TTYH3: variants seen among roughly 807,000 people sequenced by gnomAD.
TTYH3 encodes tweety family member 3.
TTYH3 carries 23 observed loss-of-function variants against 68.2 expected under a neutral mutation model. The ratio of observed to expected loss-of-function variants is 0.34; its 90% CI spans 0.24 to 0.48. The LOEUF is 0.48. Ranked by LOEUF, TTYH3 falls within the 20% of genes least tolerant of loss-of-function variation. The pLI is 0.99. For synonymous variants in TTYH3, 360 were observed against 332.8 expected (o/e 1.08, Z -0.89); for missense variants, 768 against 727.7 (o/e 1.06, Z -0.64).
At chr7:2,642,772 G>C (rs1440867118) in intron 1 of TTYH3, among the ~76,000 whole-genome samples, 1 of 137,682 alleles carries the variant, frequency 7.3e-6, no homozygotes, top group Non-Finnish European at 1.5e-5. Flanking sequence ...TTTTTAAATC[G>C]TAGACTTGGG....
At chr7:2,661,539 GCACCCTGTACTGTC>G (rs1334659774) in intron 13 of TTYH3, 115 bp from the exon 14 acceptor site, 14 of 922,628 alleles carry the variant, frequency 1.5e-5, no homozygotes, top group Admixed American at 6.5e-5. Context: ...CTCTGTCAGG[GCACCCTGTACTGTC>G]CCATTCTGCC....
chr7:2,661,501 C>T (rs1046384402), intron 13 of TTYH3, among the ~76,000 whole-genome samples, 167 bp from the exon 14 acceptor site: 3 of 152,118 alleles, frequency 2.0e-5, no homozygotes, highest in African/African-American at 4.8e-5. Context: ...CCCCAGCCAG[C>T]GGCCCCTCCT....
intron 5 of TTYH3, 77 bp downstream of exon 5, chr7:2,648,131 A>C: frequency 2.2e-6 from 3 of 1,363,884 alleles, no homozygotes; most frequent in Non-Finnish European, 1.0e-6. Context: ...CCCTTCCCCC[A>C]CCTCATCTGC....
chr7:2,636,504 C>T (rs765572869), intron 1 of TTYH3, among the ~76,000 whole-genome samples: 3 of 152,142 alleles, frequency 2.0e-5, no homozygotes, highest in Non-Finnish European at 4.4e-5. Flanking sequence ...CCCACGGTGC[C>T]AGGCAGGATT....
At chr7:2,647,676 G>T in intron 4 of TTYH3, 38 bp downstream of exon 4, 1 of 1,531,924 alleles carries the variant, frequency 6.5e-7, no homozygotes. Context: ...CCCCACGTGG[G>T]AAAGCATCAC....
intron 1 of TTYH3, among the ~76,000 whole-genome samples, chr7:2,636,200 G>A (rs979177462): frequency 6.6e-6 from 1 of 152,218 alleles, no homozygotes; most frequent in African/African-American, 2.4e-5. Context: ...AGCCTGGGGG[G>A]CAGTTCCCTG....
In TTYH3 at chr7:2,656,143, C is replaced by A; in HGVS notation, c.1072C>A (p.Gln358Lys). 6 of 1,571,530 alleles carry A rather than the reference C, an allele frequency of 3.8e-6. No individual in the cohort carries two copies. The highest frequency in any genetic ancestry group is 5.2e-6 in the Non-Finnish European group (6 of 1,158,798). ...GCTGAATGGCACGGAGGTGAACCTG[C>A]AGCACCTCACCGCCCTGGTGGACTG... is the stretch of plus-strand genomic sequence containing the variant. ...EVLNGTEVNLQHLTALVDCRS... is the reference protein window; with the variant it reads ...EVLNGTEVNLKHLTALVDCRS... The change falls in exon 10 of 14, where the codon CAG becomes AAG. Residue 358 changes from glutamine (Q) to lysine (K), a missense_variant. Gln to Lys is a moderately conservative substitution (Grantham distance 53). Coordinates refer to ENST00000258796, the MANE Select transcript of TTYH3 (RefSeq NM_025250.3).
chr7:2,650,657 T>C (rs1786149145), intron 7 of TTYH3, among the ~76,000 whole-genome samples: 1 of 150,062 alleles, frequency 6.7e-6, no homozygotes, highest in African/African-American at 2.5e-5. Flanking sequence ...GAGGGGAGAA[T>C]GGAGGGTGGG....
chr7:2,662,138 A>C lies in TTYH3; in HGVS notation c.*399A>C, dbSNP rs1786515134. On this transcript the variant is annotated 3_prime_UTR_variant, in exon 14 of 14. Transcript: ENST00000258796. ...ACTTCTGTGGACCCCTTCTTAGTTCACAGGCACGGCTGGGGCCGCTCTGTG... is the reference window on the plus strand; with the variant it reads ...ACTTCTGTGGACCCCTTCTTAGTTCCCAGGCACGGCTGGGGCCGCTCTGTG... 1 of 377,376 alleles carries C rather than the reference A, an allele frequency of 2.6e-6. No individual in the cohort carries two copies. The highest frequency in any genetic ancestry group is 5.0e-6 in the Non-Finnish European group (1 of 199,656). The allele number at this position is 377,376 out of a possible 1,614,324, so 23.4% of individuals were successfully genotyped here. A position where few individuals can be genotyped will look rare whatever the true frequency, so the allele number is the denominator to read the frequency against.
At chr7:2,641,329 G>C (rs1490313088) in intron 1 of TTYH3, among the ~76,000 whole-genome samples, 1 of 152,070 alleles carries the variant, frequency 6.6e-6, no homozygotes, top group Non-Finnish European at 1.5e-5. Flanking sequence ...GGGGAGTCTG[G>C]GCTCACGGTG....
chr7:2,657,055 G>T (rs1351281454), intron 11 of TTYH3, among the ~76,000 whole-genome samples: 3 of 152,244 alleles, frequency 2.0e-5, no homozygotes, highest in Non-Finnish European at 2.9e-5. Context: ...TACCTTTGAA[G>T]TGGGGGTCCT....
At chr7:2,646,413 C>T (rs1785982301) in intron 1 of TTYH3, among the ~76,000 whole-genome samples, 1 of 152,234 alleles carries the variant, frequency 6.6e-6, no homozygotes, top group Admixed American at 6.5e-5. Context: ...TCACCAGCAG[C>T]GTCCTCGTTT....
intron 1 of TTYH3, among the ~76,000 whole-genome samples, chr7:2,646,641 C>T (rs1785991291): frequency 6.6e-6 from 1 of 152,208 alleles, no homozygotes; most frequent in Admixed American, 6.5e-5. Flanking sequence ...GACCGGGGTC[C>T]CAGGTGTGGG....
chr7:2,645,911 G>A lies in TTYH3; in HGVS notation c.124-942G>A, dbSNP rs1262595398. 20 of 467,132 alleles carry A rather than the reference G, an allele frequency of 4.3e-5. No homozygotes were observed. The highest frequency in any genetic ancestry group is 5.8e-5 in the Non-Finnish European group (13 of 224,860). The allele number at this position is 467,132 out of a possible 1,614,324, so 28.9% of individuals were successfully genotyped here. On this transcript the variant is annotated intron_variant, in intron 1 of 13. Coordinates refer to ENST00000258796, the MANE Select transcript of TTYH3 (RefSeq NM_025250.3). The surrounding 1 kb of genome is among the most constrained non-coding windows in gnomAD (Gnocchi z 4.8). ...GGTAGGAGAGTTCTGGGCCTGAGAC[G>A]GGGACGGGCTCTGGGGTCCTGGGGC...
chr7:2,644,420 C>T (rs1260980628), intron 1 of TTYH3, among the ~76,000 whole-genome samples: 2 of 152,202 alleles, frequency 1.3e-5, no homozygotes, highest in Non-Finnish European at 1.5e-5. Context: ...ATATGAGGCC[C>T]TGCCAAGTGA....
At chr7:2,637,834 C>T (rs1348054418) in intron 1 of TTYH3, among the ~76,000 whole-genome samples, 1 of 152,176 alleles carries the variant, frequency 6.6e-6, no homozygotes, top group African/African-American at 2.4e-5. Flanking sequence ...GGGCTTCTCA[C>T]AGTCTTGGGA....
At chr7:2,636,021 C>T (rs540977240) in intron 1 of TTYH3, among the ~76,000 whole-genome samples, 20 of 152,320 alleles carry the variant, frequency 1.3e-4, no homozygotes, top group Admixed American at 7.2e-4. Flanking sequence ...ACTGGTGAGC[C>T]CTCTGTTCCA....
At chr7:2,660,267 C>T (rs996323396) in intron 13 of TTYH3, 2 of 985,412 alleles carry the variant, frequency 2.0e-6, no homozygotes, top group Non-Finnish European at 2.4e-6. Flanking sequence ...CCAGGCTCCC[C>T]CTGCCCAGTT....
At chr7:2,649,486 C>T (rs1786099636) in intron 5 of TTYH3, 81 bp from the exon 6 acceptor site, 2 of 1,401,658 alleles carry the variant, frequency 1.4e-6, no homozygotes, top group Non-Finnish European at 1.9e-6. Flanking sequence ...GCACTGGGAC[C>T]TGCCTTCTGG....
Sources: gnomAD v4.1 joint callset for allele counts (sites outside exome capture counted in the v4.1 genomes callset) on GRCh38, gnomAD v4.1.1 for gene constraint, Gnocchi (gnomAD v3.1) non-coding constraint, MANE v1.5 for transcripts, NCBI Gene and HGNC (gene_info 2026-07-23, HGNC 2026-07-21) for gene names.